WDR86: variants seen among roughly 807,000 people sequenced by gnomAD.
The protein encoded by WDR86 is WD repeat-containing protein 86.
A neutral mutation model predicts 36.5 loss-of-function variants in WDR86; 30 were observed. That is an observed-to-expected ratio of 0.82 (90% CI 0.61 to 1.11). The LOEUF (loss-of-function observed/expected upper bound fraction) is 1.11, where lower values mean the gene tolerates loss of function less well. Ranked by LOEUF, WDR86 falls within the 50% of genes most tolerant of loss-of-function variation. The pLI is 0.00. For synonymous variants in WDR86, 255 were observed against 252.9 expected (o/e 1.01, Z -0.08); for missense variants, 545 against 561.2 (o/e 0.97, Z 0.29).
In WDR86 at chr7:151,399,980, G is replaced by A. The variant is rs543328769; in HGVS notation, c.305+120C>T. 1.8e-5 allele frequency: 18 copies of A among 991,772 alleles called. No homozygotes were observed. The South Asian group carries it at 2.0e-4, about 11-fold the overall frequency. The allele number at this position is 991,772 out of a possible 1,614,324, so 61.4% of individuals were successfully genotyped here. A position where few individuals can be genotyped will look rare whatever the true frequency, so the allele number is the denominator to read the frequency against. On this transcript the variant is annotated intron_variant, in intron 2 of 5. Coordinates refer to ENST00000334493, the MANE Select transcript of WDR86 (RefSeq NM_198285.3). ...TACTGACCACCTCCCAGCTGTCCACGTTTTTGCTTCCCCAGAGAGCCAAGG... is the reference window on the plus strand; with the variant it reads ...TACTGACCACCTCCCAGCTGTCCACATTTTTGCTTCCCCAGAGAGCCAAGG...
At chr7:151,391,800 G>A (rs553913233) in intron 3 of WDR86, among the ~76,000 whole-genome samples, 13 of 152,268 alleles carry the variant, frequency 8.5e-5, no homozygotes, top group South Asian at 2.1e-4. Flanking sequence ...CCCGTCTACC[G>A]AGAATCTAGG....
intron 2 of WDR86, among the ~76,000 whole-genome samples, chr7:151,399,755 TA>T (rs1800142582): frequency 1.3e-5 from 2 of 152,232 alleles, no homozygotes. Context: ...GGGTCTCAAT[TA>T]AGCCATTTCC....
At chr7:151,408,862 T>C (rs1563071258) in intron 1 of WDR86, 2 of 467,696 alleles carry the variant, frequency 4.3e-6, no homozygotes, top group Non-Finnish European at 8.9e-6. Flanking sequence ...TACCCCTCAC[T>C]GGCTGTGCGA....
downstream of WDR86, among the ~76,000 whole-genome samples, chr7:151,372,096 G>A (rs780232718): frequency 5.9e-5 from 9 of 152,216 alleles, no homozygotes; most frequent in African/African-American, 1.7e-4. Flanking sequence ...AGCAACAGCT[G>A]TAGAAACGGA....
At chr7:151,391,828 G>T (rs966897065) in intron 3 of WDR86, among the ~76,000 whole-genome samples, 1 of 150,510 alleles carries the variant, frequency 6.6e-6, no homozygotes. Flanking sequence ...GTACAGGGGT[G>T]CGCCTCCTCC....
At chr7:151,403,089 A>C (rs1800456345) in intron 1 of WDR86, among the ~76,000 whole-genome samples, 1 of 152,180 alleles carries the variant, frequency 6.6e-6, no homozygotes, top group Admixed American at 6.5e-5. Flanking sequence ...TACTTATGAC[A>C]CCCACTGCGA....
At position 151,390,763 on chromosome 7, in the gene WDR86, T is replaced by C. The variant is rs1441476283; in HGVS notation, c.726+5013A>G. Among the ~76,000 whole-genome samples, 3 of 152,100 alleles carry C rather than the reference T, an allele frequency of 2.0e-5. No individual in the cohort carries two copies. The highest frequency in any genetic ancestry group is 1.3e-4 in the Admixed American group (2 of 15,280). ...CCACAACACAGACGAACCCTGAAGA[T>C]CTTATGCTCATGAAATAAGCCAGAC... is the stretch of plus-strand genomic sequence containing the variant. On this transcript the variant is annotated intron_variant, in intron 3 of 5. Coordinates refer to ENST00000334493, the MANE Select transcript of WDR86 (RefSeq NM_198285.3). This position sits in a 1 kb window ranked among gnomAD's most constrained non-coding sequence, Gnocchi z 4.5.
At chr7:151,373,180 T>G (rs919215446), downstream of WDR86, among the ~76,000 whole-genome samples, 4 of 152,198 alleles carry the variant, frequency 2.6e-5, no homozygotes, top group African/African-American at 9.6e-5. Context: ...CCGTCCTCGC[T>G]GCTGCTGATG....
chr7:151,386,088 A>G (rs1384643737), intron 3 of WDR86, among the ~76,000 whole-genome samples: 2 of 152,114 alleles, frequency 1.3e-5, no homozygotes, highest in African/African-American at 2.4e-5. Flanking sequence ...CACTACTGCT[A>G]GGGCCCAGGA....
At chr7:151,369,002 G>A in the WDR86 span, 3 of 1,164,770 alleles carry the variant, frequency 2.6e-6, no homozygotes, top group Non-Finnish European at 2.3e-6. Flanking sequence ...GAAGGAAGGA[G>A]AAACTTGTCC....
chr7:151,402,576 G>A (rs980888887), intron 1 of WDR86, among the ~76,000 whole-genome samples: 9 of 152,206 alleles, frequency 5.9e-5, no homozygotes, highest in South Asian at 4.1e-4. Context: ...CTCGGTGCCC[G>A]TAGGGAGAAC....
At chr7:151,374,480 A>G (rs965398264), downstream of WDR86, 2 of 601,900 alleles carry the variant, frequency 3.3e-6, no homozygotes, top group African/African-American at 3.7e-5. Flanking sequence ...GCCTGTCCAC[A>G]CCAGCACAGT....
rs557297874 is a variant in WDR86, at chr7:151,388,524, C to A, written c.727-3301G>T. ...TTGGGTTTGTCGCTTAGAAGCAGGT[C>A]CTCACACCATCTCTGGCCCGACCCT... On this transcript the variant is annotated intron_variant, in intron 3 of 5. Transcript: ENST00000334493. The surrounding 1 kb of genome is among the most constrained non-coding windows in gnomAD (Gnocchi z 4.2). Among the ~76,000 whole-genome samples, 22 of 152,312 alleles carry A rather than the reference C, an allele frequency of 1.4e-4. No individual in the cohort carries two copies. The highest frequency in any genetic ancestry group is 5.1e-4 in the African/African-American group (21 of 41,574).
intron 1 of WDR86, among the ~76,000 whole-genome samples, chr7:151,407,561 G>A (rs568245816): frequency 5.3e-5 from 8 of 152,300 alleles, no homozygotes; most frequent in East Asian, 1.9e-4. Context: ...ATTCTAGGCC[G>A]GGTGCAGTGG....
chr7:151,402,786 C>T (rs1020032749), intron 1 of WDR86, among the ~76,000 whole-genome samples: 1 of 152,204 alleles, frequency 6.6e-6, no homozygotes, highest in African/African-American at 2.4e-5. Flanking sequence ...CTCATGGGTG[C>T]AGTTAGATAG....
intron 1 of WDR86, among the ~76,000 whole-genome samples, chr7:151,403,223 G>T (rs183960333): frequency 2.6e-5 from 4 of 152,200 alleles, no homozygotes; most frequent in Non-Finnish European, 5.9e-5. Context: ...GTGGTTAGAC[G>T]AACCCACAGG....
rs1163952661 is a variant in WDR86 at position 151,390,671 on chromosome 7, C to T, written c.726+5105G>A. Among the ~76,000 whole-genome samples the T allele has an allele frequency of 6.6e-6, 1 of 152,212 alleles. No individual in the cohort carries two copies. Among genetic ancestry groups the T allele is most frequent in the Non-Finnish European group, 1.5e-5 (1 of 68,038 alleles). On this transcript the variant is annotated intron_variant, in intron 3 of 5. Coordinates refer to ENST00000334493, the MANE Select transcript of WDR86 (RefSeq NM_198285.3). The surrounding 1 kb of genome is among the most constrained non-coding windows in gnomAD (Gnocchi z 4.5). ...TCTATCAACAGGTGACGGATAAGCGCAATGTGGTATCCACATACCAGGGAA... is the reference window on the plus strand; with the variant it reads ...TCTATCAACAGGTGACGGATAAGCGTAATGTGGTATCCACATACCAGGGAA...
At chr7:151,386,746 T>C (rs1357010162) in intron 3 of WDR86, among the ~76,000 whole-genome samples, 1 of 152,134 alleles carries the variant, frequency 6.6e-6, no homozygotes, top group Non-Finnish European at 1.5e-5. Context: ...CTCTGCTTCC[T>C]GAGAAAGACC....
chr7:151,373,579 T>G (rs1477243766), downstream of WDR86, among the ~76,000 whole-genome samples: 1 of 152,228 alleles, frequency 6.6e-6, no homozygotes, highest in African/African-American at 2.4e-5. Flanking sequence ...CCTGGAGTCC[T>G]TGCTCCCCAG....
Sources: gnomAD v4.1 joint callset for allele counts (sites outside exome capture counted in the v4.1 genomes callset) on GRCh38, gnomAD v4.1.1 for gene constraint, Gnocchi (gnomAD v3.1) non-coding constraint, MANE v1.5 for transcripts, NCBI Gene and HGNC (gene_info 2026-07-23, HGNC 2026-07-21) for gene names.